The following PODXL variants were observed in gnomAD, a reference collection of about 807,000 sequenced individuals.
PODXL encodes podocalyxin.
Under a neutral mutation model 48.9 loss-of-function variants are expected in PODXL, and 20 were observed. That is an observed-to-expected ratio of 0.41 (90% CI 0.29 to 0.59). PODXL has a LOEUF of 0.59. PODXL is among the 20% of genes least tolerant of loss of function. The probability of loss-of-function intolerance (pLI) is 0.31; values close to 1 mark genes in which losing one functional copy is unlikely to be tolerated. For missense variants in PODXL, 606 were observed against 675.1 expected, an observed-to-expected ratio of 0.90 and a Z score of 1.13; for synonymous variants, 295 against 287.4, an observed-to-expected ratio of 1.03 and a Z score of -0.27.
At chr7:131,528,989 T>C (rs1798230916) in intron 1 of PODXL, among the ~76,000 whole-genome samples, 2 of 151,864 alleles carry the variant, frequency 1.3e-5, no homozygotes, top group South Asian at 4.2e-4. Context: ...GAGACAGTGA[T>C]ACAAGGAGGA....
At chr7:131,523,256 T>A (rs1242994251) in intron 1 of PODXL, among the ~76,000 whole-genome samples, 1 of 152,236 alleles carries the variant, frequency 6.6e-6, no homozygotes, top group Non-Finnish European at 1.5e-5. Flanking sequence ...GGTTTTAATT[T>A]TTATTTCCCT....
At chr7:131,551,289 CG>C (rs1218174077) in intron 1 of PODXL, among the ~76,000 whole-genome samples, 1 of 152,086 alleles carries the variant, frequency 6.6e-6, no homozygotes, top group African/African-American at 2.4e-5. Flanking sequence ...TTCCTGGGTC[CG>C]GGACAGGAAA....
intron 1 of PODXL, among the ~76,000 whole-genome samples, chr7:131,524,408 A>AGAGAGAGAGAGAGAG (rs367857912): frequency 3.3e-4 from 49 of 149,546 alleles, no homozygotes; most frequent in Admixed American, 4.7e-4. Flanking sequence ...AGAGAGAGAG[A>AGAGAGAGAGAGAGAG]AAACAACAAG....
chr7:131,540,446 A>G (rs1440514988), intron 1 of PODXL, among the ~76,000 whole-genome samples: 1 of 151,906 alleles, frequency 6.6e-6, no homozygotes, highest in Non-Finnish European at 1.5e-5. Context: ...CTCGGGGATG[A>G]GTGTTCTACC....
Position 131,503,709 on chromosome 7 carries a change from T to A in PODXL, c.*602A>T, listed in dbSNP as rs1430068292. ...AACAAACACTGAGTGTAGGGAGGGG[T>A]AAGAACATAGAGGGTGGGAAGATGG... is the stretch of plus-strand genomic sequence containing the variant. On this transcript the variant is annotated 3_prime_UTR_variant, in exon 9 of 9. Coordinates refer to ENST00000378555, the MANE Select transcript of PODXL (RefSeq NM_001018111.3). 6.6e-6 allele frequency: 1 copy of A among 151,542 alleles called. No homozygotes were observed. The highest frequency in any genetic ancestry group is 1.4e-5 in the Non-Finnish European group (1 of 69,020). 9.4% of individuals were successfully genotyped at this position (151,542 alleles called of 1,614,324 possible).
chr7:131,538,991 C>T (rs1030651497), intron 1 of PODXL, among the ~76,000 whole-genome samples: 1 of 152,228 alleles, frequency 6.6e-6, no homozygotes, highest in African/African-American at 2.4e-5. Flanking sequence ...GCCTTGTGCC[C>T]AGGGACAGCC....
chr7:131,520,596 G>C (rs1798075961), intron 1 of PODXL: 1 of 165,898 alleles, frequency 6.0e-6, no homozygotes, highest in African/African-American at 2.4e-5. Context: ...TTTTCATAAA[G>C]AAACTCCAAA....
rs549868053 is a variant in PODXL, at chr7:131,539,853, G to C, written c.100+16407C>G. On this transcript the variant is annotated intron_variant, in intron 1 of 8. Transcript: ENST00000378555. ...GGTGGACATGCTGCCTCACTCACAT[G>C]CTGGAACTTTCTGTAAATCCACCTA... Among the ~76,000 whole-genome samples, 103 of 152,238 alleles carry C rather than the reference G, an allele frequency of 6.8e-4. 1 individual carries two copies. Among genetic ancestry groups the C allele is most frequent in the Admixed American group, 5.1e-3 (78 of 15,296 alleles).
chr7:131,551,583 C>T (rs192740293), intron 1 of PODXL, among the ~76,000 whole-genome samples: 41 of 152,318 alleles, frequency 2.7e-4, no homozygotes, highest in Admixed American at 5.2e-4. Flanking sequence ...GGGTCATCTA[C>T]GTCCCCTCCT....
intron 1 of PODXL, among the ~76,000 whole-genome samples, chr7:131,545,808 T>C (rs1798566034): frequency 6.6e-6 from 1 of 152,248 alleles, no homozygotes; most frequent in Non-Finnish European, 1.5e-5. Flanking sequence ...TAAATATTCA[T>C]TGAGAGCATA....
At chr7:131,542,122 G>C (rs761895005) in intron 1 of PODXL, among the ~76,000 whole-genome samples, 4 of 152,182 alleles carry the variant, frequency 2.6e-5, no homozygotes, top group Non-Finnish European at 5.9e-5. Context: ...AAAGGGGTCA[G>C]GTTTGCTTAG....
intron 1 of PODXL, among the ~76,000 whole-genome samples, chr7:131,522,204 A>C (rs1459387936): frequency 1.3e-5 from 2 of 152,206 alleles, no homozygotes; most frequent in Non-Finnish European, 2.9e-5. Context: ...TAATCCCAGC[A>C]CTTTGGGAGG....
intron 1 of PODXL, among the ~76,000 whole-genome samples, chr7:131,517,422 C>G (rs990826840): frequency 6.6e-6 from 1 of 152,168 alleles, no homozygotes; most frequent in Admixed American, 6.5e-5. Flanking sequence ...TGTTGACTCA[C>G]AACGATAGAG....
chr7:131,516,443 G>A (rs1048279791), intron 1 of PODXL, among the ~76,000 whole-genome samples: 3 of 152,248 alleles, frequency 2.0e-5, no homozygotes, highest in Middle Eastern at 6.8e-3. Flanking sequence ...GGAGGCTGAG[G>A]CAGGAGAATT....
At chr7:131,542,049 C>T (rs1000375659) in intron 1 of PODXL, among the ~76,000 whole-genome samples, 1 of 152,196 alleles carries the variant, frequency 6.6e-6, no homozygotes, top group Non-Finnish European at 1.5e-5. Flanking sequence ...TGTGAACTCA[C>T]AGCTCTTCTT....
chr7:131,506,337 A>G lies in PODXL; in HGVS notation c.1250-16T>C, dbSNP rs761048701. The G allele has an allele frequency of 2.5e-6, 4 of 1,613,924 alleles. No homozygotes were observed. Among genetic ancestry groups the G allele is most frequent in the Non-Finnish European group, 3.4e-6 (4 of 1,179,846 alleles). Reference sequence around the variant, plus strand: ...GGGAGCTTAGCTGTGGGAGAGGGAGACGATGCCCAATGGCCCAGCCCAGAG... The same window carrying G: ...GGGAGCTTAGCTGTGGGAGAGGGAGGCGATGCCCAATGGCCCAGCCCAGAG... On this transcript the variant is annotated splice_polypyrimidine_tract_variant and intron_variant, in intron 6 of 8. Coordinates refer to ENST00000378555, the MANE Select transcript of PODXL (RefSeq NM_001018111.3).
intron 1 of PODXL, among the ~76,000 whole-genome samples, chr7:131,538,030 C>T (rs569229622): frequency 3.9e-4 from 60 of 152,216 alleles, no homozygotes; most frequent in Non-Finnish European, 5.9e-4. Flanking sequence ...CCGTGACCAT[C>T]GCAGTCCCTG....
At position 131,518,769 on chromosome 7, in the gene PODXL, G is replaced by A. The variant is rs560710241; in HGVS notation, c.101-7336C>T. ...CAGAAACGGCGCCGCTGACAGAAAC[G>A]TGGCAGCCTGGAGGGCACACGCAGG... is the stretch of plus-strand genomic sequence containing the variant. On this transcript the variant is annotated intron_variant, in intron 1 of 8. Transcript: ENST00000378555. Among the ~76,000 whole-genome samples, 34 of 152,276 alleles carry A rather than the reference G, an allele frequency of 2.2e-4. No individual in the cohort carries two copies. The South Asian group carries it at 2.5e-3, about 11-fold the overall frequency.
chr7:131,521,654 G>C (rs914052620), intron 1 of PODXL, among the ~76,000 whole-genome samples: 2 of 152,170 alleles, frequency 1.3e-5, no homozygotes, highest in Non-Finnish European at 2.9e-5. Context: ...ATTTTCAAAT[G>C]AATTTCTAAA....
Sources: allele counts gnomAD v4.1 joint callset (sites outside exome capture counted in the v4.1 genomes callset), GRCh38; gene constraint gnomAD v4.1.1; transcripts MANE v1.5; gene names NCBI Gene and HGNC (gene_info 2026-07-23, HGNC 2026-07-21).